EPS15L1: variants seen among roughly 807,000 people sequenced by gnomAD.
EPS15L1 encodes epidermal growth factor receptor pathway substrate 15 like 1.
In EPS15L1, 43 loss-of-function variants were observed where a neutral mutation model predicts 117.1. The observed-to-expected ratio is 0.37, with a 90% CI of 0.29 to 0.47. The LOEUF (loss-of-function observed/expected upper bound fraction) is 0.47. EPS15L1 is among the 20% of genes least tolerant of loss of function. The probability of loss-of-function intolerance (pLI) is 0.99; values close to 1 mark genes in which losing one functional copy is unlikely to be tolerated. For missense variants in EPS15L1, 981 were observed against 1,164.0 expected (o/e 0.84, Z 2.29); for synonymous variants, 459 against 470.5 (o/e 0.98, Z 0.32).
At chr19:16,437,077 C>T (rs1295453167) in intron 5 of EPS15L1, 78 bp from the exon 6 acceptor site, 1 of 1,296,286 alleles carries the variant, frequency 7.7e-7, no homozygotes, top group Non-Finnish European at 1.1e-6. Context: ...GAAAAGGATA[C>T]ACGTTTCAAA....
At chr19:16,377,094 T>C (rs11086030) in intron 22 of EPS15L1, 28 bp downstream of exon 22, 247,141 of 1,571,962 alleles carry the variant, frequency 0.16, 20,787 homozygotes, top group African/African-American at 0.27. Flanking sequence ...CGGTAGGCGG[T>C]GGCTGCGAGA....
At chr19:16,369,760 C>T (rs545777993) in intron 22 of EPS15L1, among the ~76,000 whole-genome samples, 2 of 151,408 alleles carry the variant, frequency 1.3e-5, no homozygotes, top group South Asian at 4.2e-4. Flanking sequence ...AGCCAGTCTT[C>T]ATGACAAAAA....
At chr19:16,412,070 C>T (rs1473924230) in intron 13 of EPS15L1, among the ~76,000 whole-genome samples, 1 of 152,052 alleles carries the variant, frequency 6.6e-6, no homozygotes, top group Non-Finnish European at 1.5e-5. Flanking sequence ...AAATAGTTAT[C>T]ATATTGTATT....
chr19:16,390,283 T>C (rs771052369), intron 19 of EPS15L1, among the ~76,000 whole-genome samples: 4 of 152,164 alleles, frequency 2.6e-5, no homozygotes, highest in Non-Finnish European at 5.9e-5. Flanking sequence ...TCTTTTATAA[T>C]GATAAAAAGG....
At position 16,404,635 on chromosome 19, in the gene EPS15L1, C is replaced by G. The variant is rs752189537; in HGVS notation, c.1381G>C (p.Asp461His). The stretch of plus-strand genomic sequence containing the variant: ...TTCTGCCGGACGTCGCTCAGCATGT[C>G]TCGGAGCTTGGCCTTCTGCTGGTCC... ...EMDQQKAKLR[D>H]MLSDVRQKCQ... Residue 461 changes from aspartate to histidine, a missense_variant, in exon 14 of 24, where the codon GAC (aspartate) becomes CAC (histidine). Coordinates refer to ENST00000455140, the MANE Select transcript of EPS15L1 (RefSeq NM_001258374.3). The surrounding 1 kb of genome is among the most constrained non-coding windows in gnomAD (Gnocchi z 4.2). 1.2e-6 allele frequency: 2 copies of G among 1,614,200 alleles called. No individual in the cohort carries two copies. Among genetic ancestry groups the G allele is most frequent in the Admixed American group, 3.3e-5 (2 of 60,022 alleles).
At chr19:16,361,552 G>A in intron 23 of EPS15L1, 1 of 1,257,738 alleles carries the variant, frequency 8.0e-7, no homozygotes, top group Non-Finnish European at 1.0e-6. Context: ...GGAAGAAAAC[G>A]TGCCCTTATG....
chr19:16,398,164 C>T (rs901429926), intron 16 of EPS15L1, among the ~76,000 whole-genome samples: 1 of 152,220 alleles, frequency 6.6e-6, no homozygotes, highest in Non-Finnish European at 1.5e-5. Context: ...TTAAGACAAG[C>T]CACCGGTCTG....
intron 22 of EPS15L1, among the ~76,000 whole-genome samples, chr19:16,367,646 C>T (rs2092155478): frequency 6.6e-6 from 1 of 150,958 alleles, no homozygotes; most frequent in Non-Finnish European, 1.5e-5. Context: ...GCTGGCTCTG[C>T]TGCACTAGCG....
At chr19:16,379,393 C>CGG (rs940906949) in intron 21 of EPS15L1, among the ~76,000 whole-genome samples, 1 of 152,114 alleles carries the variant, frequency 6.6e-6, no homozygotes, top group African/African-American at 2.4e-5. Context: ...AGGGAGGGGC[C>CGG]GGGGGTCTTT....
At chr19:16,447,942 G>C (rs181355517) in intron 1 of EPS15L1, among the ~76,000 whole-genome samples, 1 of 152,128 alleles carries the variant, frequency 6.6e-6, no homozygotes, top group African/African-American at 2.4e-5. Context: ...CTGAGAAACA[G>C]ACACACACAG....
chr19:16,407,635 C>T (rs966535432), intron 13 of EPS15L1, among the ~76,000 whole-genome samples: 1 of 152,014 alleles, frequency 6.6e-6, no homozygotes, highest in African/African-American at 2.4e-5. Context: ...CTTCTTTTCC[C>T]CTTCTTGATT....
At chr19:16,401,940 C>T in intron 16 of EPS15L1, 1 of 1,022,932 alleles carries the variant, frequency 9.8e-7, no homozygotes, top group Non-Finnish European at 1.2e-6. Context: ...CAGATGTCCC[C>T]TGCCCCCTGA....
chr19:16,397,181 C>G (rs1003005223), intron 16 of EPS15L1, among the ~76,000 whole-genome samples: 2 of 152,034 alleles, frequency 1.3e-5, no homozygotes, highest in African/African-American at 2.4e-5. Context: ...CCTCCACCTC[C>G]CGGGTTCAAG....
rs1030945300 is a variant in EPS15L1 at position 16,404,965 on chromosome 19, T to C, written c.1267-216A>G. ...GTCTCACCAGCTCCCTCAGCAGGTA[T>C]TTCCCGATGGCCTAACAGAGGCCAG... is the stretch of plus-strand genomic sequence containing the variant. On this transcript the variant is annotated intron_variant, in intron 13 of 23. Transcript: ENST00000455140. This position sits in a 1 kb window ranked among gnomAD's most constrained non-coding sequence, Gnocchi z 4.2. Among the ~76,000 whole-genome samples, 5 of 152,210 alleles carry C rather than the reference T, an allele frequency of 3.3e-5. No homozygotes were observed. Among genetic ancestry groups the C allele is most frequent in the Non-Finnish European group, 7.3e-5 (5 of 68,036 alleles).
intron 1 of EPS15L1, among the ~76,000 whole-genome samples, chr19:16,465,466 T>C (rs1359482319): frequency 1.3e-5 from 2 of 151,988 alleles, no homozygotes; most frequent in Non-Finnish European, 2.9e-5. Context: ...GAGGATCACT[T>C]GAGGTCAGGA....
chr19:16,407,783 C>T (rs751017829), intron 13 of EPS15L1, among the ~76,000 whole-genome samples: 5 of 152,186 alleles, frequency 3.3e-5, no homozygotes, highest in South Asian at 2.1e-4. Context: ...GGGCAGTCTC[C>T]GTCTTCCCCC....
intron 19 of EPS15L1, among the ~76,000 whole-genome samples, chr19:16,392,009 G>T (rs1185697156): frequency 6.6e-6 from 1 of 152,150 alleles, no homozygotes; most frequent in East Asian, 1.9e-4. Flanking sequence ...TAGGAATGGG[G>T]ATAGAGAAAT....
chr19:16,377,289 G>A (rs1323461750), intron 21 of EPS15L1, 35 bp from the exon 22 acceptor site: 2 of 1,607,186 alleles, frequency 1.2e-6, no homozygotes, highest in Admixed American at 1.7e-5. Context: ...GGCAAAAATA[G>A]TTGTTAAAAC....
chr19:16,368,050 G>T (rs2092163605), intron 22 of EPS15L1, among the ~76,000 whole-genome samples: 1 of 152,024 alleles, frequency 6.6e-6, no homozygotes, highest in South Asian at 2.1e-4. Context: ...GTTCAGTGCT[G>T]TACTTGGAAA....
Sources: gnomAD v4.1 joint callset for allele counts (sites outside exome capture counted in the v4.1 genomes callset) on GRCh38, gnomAD v4.1.1 for gene constraint, Gnocchi (gnomAD v3.1) non-coding constraint, MANE v1.5 for transcripts, NCBI Gene and HGNC (gene_info 2026-07-23, HGNC 2026-07-21) for gene names.